The following DNAH11 variants were observed in gnomAD, a reference collection of about 807,000 sequenced individuals.
DNAH11 encodes dynein axonemal heavy chain 11.
A neutral mutation model predicts 526.0 loss-of-function variants in DNAH11; 442 were observed. The observed-to-expected ratio is 0.84, with a 90% CI of 0.78 to 0.91. The LOEUF (loss-of-function observed/expected upper bound fraction) is 0.91. DNAH11 is among the 40% of genes least tolerant of loss of function. DNAH11 has a pLI of 0.00. For synonymous variants in DNAH11, 2,461 were observed against 1,935.9 expected (o/e 1.27, Z -7.12); for missense variants, 6,989 against 5,448.7 (o/e 1.28, Z -8.90).
At chr7:21,849,021 G>A (rs1291218103) in intron 66 of DNAH11, among the ~76,000 whole-genome samples, 2 of 152,134 alleles carry the variant, frequency 1.3e-5, no homozygotes, top group Admixed American at 1.3e-4. Flanking sequence ...GAGTAGCTGG[G>A]ATTACAGGCA....
intron 28 of DNAH11, among the ~76,000 whole-genome samples, chr7:21,644,513 T>A (rs13239084): frequency 0.38 from 58,293 of 152,058 alleles, 12,968 homozygotes; most frequent in Non-Finnish European, 0.51. Flanking sequence ...ATTCTAACTT[T>A]CCTAAAGGAA....
intron 8 of DNAH11, among the ~76,000 whole-genome samples, chr7:21,572,744 A>C (rs1783941733): frequency 6.6e-6 from 1 of 152,236 alleles, no homozygotes. Context: ...TGTAGTTAGC[A>C]AACTTAAGCC....
chr7:21,665,831 T>C (rs989344028), intron 30 of DNAH11, among the ~76,000 whole-genome samples: 1 of 152,110 alleles, frequency 6.6e-6, no homozygotes, highest in Non-Finnish European at 1.5e-5. Context: ...GTTTTGTGAC[T>C]GGCACTAACA....
intron 57 of DNAH11, among the ~76,000 whole-genome samples, chr7:21,783,697 T>C (rs1788052240): frequency 1.3e-5 from 2 of 151,694 alleles, no homozygotes; most frequent in South Asian, 4.2e-4. Context: ...AGCATGACTT[T>C]CCTCTATATT....
At chr7:21,688,274 G>T (rs1783467490) in intron 34 of DNAH11, among the ~76,000 whole-genome samples, 1 of 152,188 alleles carries the variant, frequency 6.6e-6, no homozygotes. Flanking sequence ...ATGGGGGAAA[G>T]AAGAGTACCT....
chr7:21,785,937 TG>T (rs1428513184), intron 58 of DNAH11, among the ~76,000 whole-genome samples: 7 of 152,238 alleles, frequency 4.6e-5, no homozygotes, highest in African/African-American at 1.7e-4. Context: ...TGGTTGTTTT[TG>T]TTTTTCAAAT....
chr7:21,647,043 G>A (rs1787386355), intron 28 of DNAH11, among the ~76,000 whole-genome samples: 3 of 152,140 alleles, frequency 2.0e-5, no homozygotes, highest in Non-Finnish European at 2.9e-5. Flanking sequence ...GATATTAAAA[G>A]TAATTATATG....
rs1369488462 is a variant in DNAH11 at position 21,738,565 on chromosome 7, CTT to C, written c.7646-135_7646-134del. ...GGGGCCAGAGACACATCCCGGGTCT[CTT>C]AACCTATGAAGGGGCGATACCTGAA... is the stretch of plus-strand genomic sequence containing the variant. On this transcript the variant is annotated intron_variant, in intron 46 of 81. Transcript: ENST00000409508. 4 of 830,480 alleles carry C rather than the reference CTT, an allele frequency of 4.8e-6. No homozygotes were observed. The African/African-American group carries it at 7.1e-5, about 15-fold the overall frequency. The allele number at this position is 830,480 out of a possible 1,614,324, so 51.4% of individuals were successfully genotyped here. A position where few individuals can be genotyped will look rare whatever the true frequency, so the allele number is the denominator to read the frequency against.
intron 71 of DNAH11, 149 bp downstream of exon 71, chr7:21,866,812 T>C (rs1168005426): frequency 1.1e-6 from 1 of 896,966 alleles, no homozygotes; most frequent in Non-Finnish European, 1.6e-6. Flanking sequence ...TCACTGCTAC[T>C]GTTAAAATTT....
At chr7:21,647,359 G>C (rs557540166) in intron 28 of DNAH11, among the ~76,000 whole-genome samples, 1 of 151,134 alleles carries the variant, frequency 6.6e-6, no homozygotes, top group Non-Finnish European at 1.5e-5. Flanking sequence ...CAAACATAAG[G>C]ATGACAACAG....
chr7:21,674,073 T>C (rs1782758695), intron 30 of DNAH11, among the ~76,000 whole-genome samples: 1 of 151,832 alleles, frequency 6.6e-6, no homozygotes, highest in Admixed American at 6.6e-5. Flanking sequence ...AGTTTTGTTT[T>C]GTTTTTCATG....
At chr7:21,693,384 T>G (rs978862030) in intron 35 of DNAH11, among the ~76,000 whole-genome samples, 1 of 152,186 alleles carries the variant, frequency 6.6e-6, no homozygotes, top group Admixed American at 6.5e-5. Context: ...ACTCTTTTGT[T>G]AAGGAATTTT....
At chr7:21,676,802 G>A (rs962654173) in intron 30 of DNAH11, among the ~76,000 whole-genome samples, 1 of 152,150 alleles carries the variant, frequency 6.6e-6, no homozygotes, top group Non-Finnish European at 1.5e-5. Context: ...GTGTAAGATT[G>A]GATACTGCAA....
At position 21,720,859 on chromosome 7, in the gene DNAH11, A is replaced by G. The variant is rs1562508494; in HGVS notation, c.7266+3A>G. The stretch of plus-strand genomic sequence containing the variant: ...GAGGCACCCTGCTACAAGATCAGGT[A>G]TGTTTAGAAATAGTTTACAGGACCA... On this transcript the variant is annotated splice_donor_region_variant and intron_variant, in intron 44 of 81. Coordinates refer to ENST00000409508, the MANE Select transcript of DNAH11 (RefSeq NM_001277115.2). 4 of 1,610,946 alleles carry G rather than the reference A, an allele frequency of 2.5e-6. No homozygotes were observed. In the Admixed American group the frequency reaches 5.0e-5, roughly 20 times the overall value.
chr7:21,756,456 A>C (rs1295846776), intron 54 of DNAH11, among the ~76,000 whole-genome samples: 1 of 152,136 alleles, frequency 6.6e-6, no homozygotes, highest in East Asian at 1.9e-4. Context: ...TATATTCTGG[A>C]ATCTAGTAGA....
intron 9 of DNAH11, 58 bp from the exon 10 acceptor site, chr7:21,588,006 C>G: frequency 1.3e-6 from 2 of 1,540,790 alleles, no homozygotes; most frequent in South Asian, 1.2e-5. Context: ...ACATTATGAG[C>G]TGAGTATTTG....
At position 21,712,096 on chromosome 7, in the gene DNAH11, A is replaced by T. The variant is rs1784484755; in HGVS notation, c.6983+236A>T. ...TCTACTTTCTATCTCTATGAATTAG[A>T]CTACTCTAGGTACCGCATATAAATG... is the stretch of plus-strand genomic sequence containing the variant. On this transcript the variant is annotated intron_variant, in intron 42 of 81. Coordinates refer to ENST00000409508, the MANE Select transcript of DNAH11 (RefSeq NM_001277115.2). Among the ~76,000 whole-genome samples, 3 of 152,120 alleles carry T rather than the reference A, an allele frequency of 2.0e-5. No individual in the cohort carries two copies. In the South Asian group the frequency reaches 6.2e-4, roughly 32 times the overall value.
chr7:21,698,062 AT>A lies in DNAH11; in HGVS notation c.6042-10del. 6.3e-7 allele frequency: 1 copy of A among 1,597,816 alleles called. No individual in the cohort carries two copies. The highest frequency in any genetic ancestry group is 8.5e-7 in the Non-Finnish European group (1 of 1,173,988). ...GTCACATTTTAAAACTAAAATTCTT[AT>A]TTACTTTTTAGACCCTGTGCCATGG... On this transcript the variant is annotated splice_polypyrimidine_tract_variant and intron_variant, in intron 35 of 81. Transcript: ENST00000409508.
intron 1 of DNAH11, among the ~76,000 whole-genome samples, chr7:21,544,320 TGTG>T: frequency 6.6e-6 from 1 of 152,288 alleles, no homozygotes; most frequent in Middle Eastern, 3.4e-3. Context: ...TATCACTAGG[TGTG>T]GTCATTGTAA....
Sources: allele counts gnomAD v4.1 joint callset (sites outside exome capture counted in the v4.1 genomes callset), GRCh38; gene constraint gnomAD v4.1.1; transcripts MANE v1.5; gene names NCBI Gene and HGNC (gene_info 2026-07-23, HGNC 2026-07-21).